Variants in TULP4 observed in about 807,000 individuals in gnomAD.
TULP4 encodes the protein tubby-related protein 4.
In TULP4, 16 loss-of-function variants were observed where a neutral mutation model predicts 129.0. That is an observed-to-expected ratio of 0.12 (90% confidence interval 0.08 to 0.19). The LOEUF (loss-of-function observed/expected upper bound fraction) is 0.19, where lower values mean the gene tolerates loss of function less well. Ranked by LOEUF, TULP4 falls within the 10% of genes least tolerant of loss-of-function variation. The pLI is 1.00. For missense variants in TULP4, 1,842 were observed against 2,059.1 expected, an observed-to-expected ratio of 0.89 and a Z score of 2.04; for synonymous variants, 998 against 854.0, an observed-to-expected ratio of 1.17 and a Z score of -2.94.
At chr6:158,436,245 A>C (rs2115081038) in intron 3 of TULP4, among the ~76,000 whole-genome samples, 1 of 152,254 alleles carries the variant, frequency 6.6e-6, no homozygotes, top group South Asian at 2.1e-4. Flanking sequence ...TCACTTAGTC[A>C]CCAGGTCCTG....
At chr6:158,481,922 C>CT (rs1401890676) in intron 8 of TULP4, among the ~76,000 whole-genome samples, 4 of 152,272 alleles carry the variant, frequency 2.6e-5, no homozygotes, top group South Asian at 2.1e-4. Context: ...GGACTTTGTT[C>CT]TTTTTTTGTG....
chr6:158,295,177 CTG>C (rs1779006389), intron 1 of TULP4, among the ~76,000 whole-genome samples: 1 of 150,530 alleles, frequency 6.6e-6, no homozygotes, highest in Non-Finnish European at 1.5e-5. Flanking sequence ...TGTTTAAGCA[CTG>C]TCTTACATTG....
chr6:158,284,500 G>A (rs921407349), intron 1 of TULP4, among the ~76,000 whole-genome samples: 1 of 151,454 alleles, frequency 6.6e-6, no homozygotes, highest in African/African-American at 2.4e-5. Context: ...GACATATAAG[G>A]AAATGAGCCG....
chr6:158,252,974 T>C (rs151235694), intron 1 of TULP4, among the ~76,000 whole-genome samples: 1 of 152,338 alleles, frequency 6.6e-6, no homozygotes, highest in East Asian at 1.9e-4. Context: ...TCTTAGGCAT[T>C]GGTCTTATTA....
At chr6:158,411,226 A>T (rs1246140042) in intron 1 of TULP4, among the ~76,000 whole-genome samples, 1 of 152,142 alleles carries the variant, frequency 6.6e-6, no homozygotes, top group Admixed American at 6.5e-5. Context: ...TTCTAATGAT[A>T]TATTATTGTT....
chr6:158,353,783 C>A (rs1331168124), intron 1 of TULP4, among the ~76,000 whole-genome samples: 2 of 152,198 alleles, frequency 1.3e-5, no homozygotes, highest in Non-Finnish European at 2.9e-5. Flanking sequence ...AAAGTCCTTG[C>A]AAGCACTGAA....
chr6:158,477,648 G>T (rs188635489), intron 6 of TULP4, among the ~76,000 whole-genome samples: 1 of 152,136 alleles, frequency 6.6e-6, no homozygotes, highest in Non-Finnish European at 1.5e-5. Context: ...AAAAGGAAAC[G>T]CTTCTACACT....
intron 3 of TULP4, among the ~76,000 whole-genome samples, chr6:158,444,034 A>G (rs572214655): frequency 1.2e-4 from 18 of 151,838 alleles, no homozygotes; most frequent in East Asian, 5.8e-4. Flanking sequence ...CCTGGCTAAC[A>G]CGGTGAAACC....
intron 1 of TULP4, among the ~76,000 whole-genome samples, chr6:158,400,724 CAGTT>C (rs1777823066): frequency 6.6e-6 from 1 of 152,020 alleles, no homozygotes; most frequent in Non-Finnish European, 1.5e-5. Flanking sequence ...TCATTTCCTG[CAGTT>C]AGTTGAGCTA....
At chr6:158,431,491 G>A (rs1025762283) in intron 3 of TULP4, among the ~76,000 whole-genome samples, 1 of 152,160 alleles carries the variant, frequency 6.6e-6, no homozygotes, top group African/African-American at 2.4e-5. Context: ...GACAGGCAGG[G>A]GACCCACTGG....
intron 1 of TULP4, among the ~76,000 whole-genome samples, chr6:158,264,266 A>C (rs1479245812): frequency 6.6e-6 from 1 of 152,130 alleles, no homozygotes; most frequent in African/African-American, 2.4e-5. Context: ...TGAGGTGGTG[A>C]GGGCAGTGGC....
intron 1 of TULP4, among the ~76,000 whole-genome samples, chr6:158,305,918 C>T (rs1033379910): frequency 1.3e-5 from 2 of 152,072 alleles, no homozygotes; most frequent in South Asian, 4.1e-4. Context: ...TTACCATTCT[C>T]GTTTTCTCAT....
chr6:158,441,151 A>T (rs945649456), intron 3 of TULP4, among the ~76,000 whole-genome samples: 1 of 152,102 alleles, frequency 6.6e-6, no homozygotes, highest in Non-Finnish European at 1.5e-5. Context: ...CCCCGTATCT[A>T]TTAAAATACA....
intron 1 of TULP4, among the ~76,000 whole-genome samples, chr6:158,241,135 C>A (rs1253471541): frequency 7.3e-6 from 1 of 136,942 alleles, no homozygotes; most frequent in African/African-American, 2.6e-5. Flanking sequence ...GCGCTCCCCA[C>A]ATCTCAGACG....
chr6:158,324,918 G>T (rs1779712963), intron 1 of TULP4, among the ~76,000 whole-genome samples: 2 of 152,204 alleles, frequency 1.3e-5, no homozygotes, highest in African/African-American at 2.4e-5. Flanking sequence ...AATGACTGTG[G>T]TATGTGTGTG....
intron 3 of TULP4, among the ~76,000 whole-genome samples, chr6:158,447,928 G>A (rs1164367798): frequency 3.3e-5 from 5 of 152,184 alleles, no homozygotes; most frequent in Non-Finnish European, 2.9e-5. Context: ...GTTTTTAATG[G>A]CAACCAATGC....
intron 2 of TULP4, among the ~76,000 whole-genome samples, chr6:158,418,123 G>C (rs544379929): frequency 3.8e-5 from 4 of 105,968 alleles, no homozygotes; most frequent in Admixed American, 9.0e-5. Context: ...TTTTGGGAGC[G>C]GGGGAGACAG....
At chr6:158,234,144 GT>G (rs746065680) in intron 1 of TULP4, among the ~76,000 whole-genome samples, 2 of 152,216 alleles carry the variant, frequency 1.3e-5, no homozygotes, top group Admixed American at 6.5e-5. Context: ...TTTAGAAAGA[GT>G]TTGTGTGTAT....
chr6:158,504,704 T>TCTCAACTCCC (rs1454267120), intron 13 of TULP4, among the ~76,000 whole-genome samples: 1 of 151,854 alleles, frequency 6.6e-6, no homozygotes, highest in African/African-American at 2.4e-5. Context: ...TTGTCTAGAT[T>TCTCAACTCCC]GGTCTCAAAC....
Sources: allele counts gnomAD v4.1 joint callset (sites outside exome capture counted in the v4.1 genomes callset), GRCh38; gene constraint gnomAD v4.1.1; transcripts MANE v1.5; gene names NCBI Gene and HGNC (gene_info 2026-07-23, HGNC 2026-07-21).